Variants in COL9A1 observed in about 807,000 individuals in gnomAD.
COL9A1 encodes the protein collagen alpha-1(IX) chain.
Under a neutral mutation model 142.6 loss-of-function variants are expected in COL9A1, and 104 were observed. The ratio of observed to expected loss-of-function variants is 0.73; its 90% CI spans 0.62 to 0.86. COL9A1 has a LOEUF of 0.86. Ranked by LOEUF, COL9A1 falls within the 40% of genes least tolerant of loss-of-function variation. The pLI is 0.00. For missense variants in COL9A1, 1,210 were observed against 1,176.6 expected, an observed-to-expected ratio of 1.03 and a Z score of -0.42; for synonymous variants, 466 against 396.0, an observed-to-expected ratio of 1.18 and a Z score of -2.10.
chr6:70,248,002 C>T (rs1342973287), intron 28 of COL9A1, among the ~76,000 whole-genome samples: 1 of 152,194 alleles, frequency 6.6e-6, no homozygotes, highest in Non-Finnish European at 1.5e-5. Flanking sequence ...GGCTTCTGTA[C>T]ACAAGGAACG....
At chr6:70,253,297 C>T (rs1385880592) in intron 26 of COL9A1, 88 bp downstream of exon 26, 1 of 923,072 alleles carries the variant, frequency 1.1e-6, no homozygotes, top group Non-Finnish European at 1.7e-6. Context: ...AAATAAAACA[C>T]ATGCTGAAAA....
Position 70,280,846 on chromosome 6 carries a change from C to G in COL9A1, c.941G>C (p.Gly314Ala). The stretch of plus-strand genomic sequence containing the variant: ...AGGTGTGCCAGGCTTGCCTGGAGCT[C>G]CTGGCTTTCCCGGTTCACCTGCAGG... ...PGPAGEPGKPGAPGKPGTPGA... is the reference protein window; with the variant it reads ...PGPAGEPGKPAAPGKPGTPGA... Residue 314 changes from glycine (G) to alanine (A), a missense_variant, in exon 10 of 38, where the codon GGA becomes GCA. Gly to Ala is a moderately conservative substitution (Grantham distance 60). Coordinates refer to ENST00000357250, the MANE Select transcript of COL9A1 (RefSeq NM_001851.6). The G allele has an allele frequency of 1.2e-6, 2 of 1,613,454 alleles. No homozygotes were observed. Among genetic ancestry groups the G allele is most frequent in the South Asian group, 2.2e-5 (2 of 90,974 alleles).
chr6:70,253,264 AT>A, intron 26 of COL9A1, 120 bp downstream of exon 26: 1 of 688,226 alleles, frequency 1.5e-6, no homozygotes, highest in Non-Finnish European at 2.5e-6. Flanking sequence ...TTACCTTTTT[AT>A]TTCTCCCTAG....
intron 19 of COL9A1, 74 bp downstream of exon 19, chr6:70,263,170 A>G: frequency 8.1e-7 from 1 of 1,239,364 alleles, no homozygotes; most frequent in Non-Finnish European, 1.1e-6. Flanking sequence ...TGCTAAATAG[A>G]AAATATTCCA....
At chr6:70,288,850 C>T (rs1449128701) in intron 5 of COL9A1, among the ~76,000 whole-genome samples, 6 of 152,140 alleles carry the variant, frequency 3.9e-5, no homozygotes, top group African/African-American at 1.4e-4. Context: ...ACCTGGCATC[C>T]TCCACATATA....
In COL9A1 at chr6:70,274,772, C is replaced by T. The variant is rs1772644900; in HGVS notation, c.976G>A (p.Gly326Arg). Reference sequence around the variant, plus strand: ...GGGGATCCATCAGGTCCTGTTAATCCCTAATAGAGCAAGACAATGATGTTA... The same window carrying T: ...GGGGATCCATCAGGTCCTGTTAATCTCTAATAGAGCAAGACAATGATGTTA... Reference protein sequence around the residue: ...PGKPGTPGADGLTGPDGSPGS... With the variant: ...PGKPGTPGADRLTGPDGSPGS... The change falls in exon 11 of 38, where the codon GGA becomes AGA. Residue 326 changes from glycine (G) to arginine (R), a missense_variant and splice_region_variant. Gly to Arg is a moderately radical substitution (Grantham distance 125). Coordinates refer to ENST00000357250, the MANE Select transcript of COL9A1 (RefSeq NM_001851.6). 1 of 1,611,424 alleles carries T rather than the reference C, an allele frequency of 6.2e-7. No homozygotes were observed. Among genetic ancestry groups the T allele is most frequent in the African/African-American group, 1.3e-5 (1 of 74,776 alleles).
At chr6:70,277,289 T>A (rs1772831143) in intron 10 of COL9A1, among the ~76,000 whole-genome samples, 1 of 152,078 alleles carries the variant, frequency 6.6e-6, no homozygotes, top group Admixed American at 6.6e-5. Flanking sequence ...ACAGCACAGT[T>A]GTCCTAAGGT....
chr6:70,273,977 A>G (rs745542437), intron 12 of COL9A1, 70 bp downstream of exon 12: 1 of 849,158 alleles, frequency 1.2e-6, no homozygotes, highest in Admixed American at 3.2e-5. Flanking sequence ...ATAAATAAAA[A>G]GATTTCACAA....
intron 36 of COL9A1, among the ~76,000 whole-genome samples, chr6:70,229,212 C>T (rs1769399864): frequency 1.3e-5 from 2 of 152,178 alleles, no homozygotes; most frequent in African/African-American, 2.4e-5. Context: ...TGCTACTCCA[C>T]AGCAAACCAT....
chr6:70,220,818 G>A (rs1013562249), intron 37 of COL9A1, among the ~76,000 whole-genome samples: 5 of 152,138 alleles, frequency 3.3e-5, no homozygotes, highest in Admixed American at 6.5e-5. Context: ...GAGAAAACAT[G>A]CATCTAAAGT....
Position 70,254,883 on chromosome 6 carries a change from T to C in COL9A1, c.1665+80A>G, listed in dbSNP as rs1273920825. 3.1e-6 allele frequency: 4 copies of C among 1,306,368 alleles called. No homozygotes were observed. The East Asian group carries it at 9.3e-5, about 30-fold the overall frequency. The allele number at this position is 1,306,368 out of a possible 1,614,324, so 80.9% of individuals were successfully genotyped here. ...GCTAGCTAAATAAATCTTTTGGTGA[T>C]TTAGTAATGGAAATGCCACACTCAG... On this transcript the variant is annotated intron_variant, in intron 24 of 37. Coordinates refer to ENST00000357250, the MANE Select transcript of COL9A1 (RefSeq NM_001851.6).
intron 5 of COL9A1, among the ~76,000 whole-genome samples, chr6:70,287,783 C>G (rs1387788357): frequency 6.6e-6 from 1 of 152,144 alleles, no homozygotes; most frequent in Non-Finnish European, 1.5e-5. Flanking sequence ...CTTATTCTAT[C>G]CTTTTTGAAA....
intron 36 of COL9A1, among the ~76,000 whole-genome samples, chr6:70,231,937 C>T (rs947849283): frequency 6.6e-6 from 1 of 152,134 alleles, no homozygotes; most frequent in African/African-American, 2.4e-5. Flanking sequence ...TGCTGAGTAC[C>T]TAACACACTC....
intron 5 of COL9A1, among the ~76,000 whole-genome samples, chr6:70,292,478 C>G (rs150218293): frequency 6.6e-6 from 1 of 152,108 alleles, no homozygotes; most frequent in Admixed American, 6.5e-5. Flanking sequence ...TGGTACTAAC[C>G]GGTCTCCACT....
At chr6:70,273,976 A>AAAT in intron 12 of COL9A1, 71 bp downstream of exon 12, 1 of 780,242 alleles carries the variant, frequency 1.3e-6, no homozygotes, top group Non-Finnish European at 1.8e-6. Context: ...AATAAATAAA[A>AAAT]AGATTTCACA....
At chr6:70,232,512 T>C in intron 36 of COL9A1, 71 bp downstream of exon 36, 1 of 1,530,432 alleles carries the variant, frequency 6.5e-7, no homozygotes, top group Non-Finnish European at 9.0e-7. Flanking sequence ...CATAAATTCC[T>C]CGAGCTTGAT....
intron 24 of COL9A1, 191 bp downstream of exon 24, chr6:70,254,772 G>A: frequency 1.4e-6 from 1 of 701,036 alleles, no homozygotes; most frequent in Non-Finnish European, 2.4e-6. Flanking sequence ...CTGAGTTCCT[G>A]AAACCAAGCA....
intron 10 of COL9A1, chr6:70,279,648 C>CAA (rs57993118): frequency 6.2e-3 from 345 of 56,054 alleles, no homozygotes; most frequent in Middle Eastern, 0.027. Context: ...AACTTCGTCT[C>CAA]AAAAAAAAAA....
intron 20 of COL9A1, among the ~76,000 whole-genome samples, chr6:70,258,229 G>A (rs189796692): frequency 5.9e-5 from 9 of 152,194 alleles, no homozygotes; most frequent in Admixed American, 2.6e-4. Flanking sequence ...TCTACTAAGT[G>A]AATAAAAAGG....
Sources: gnomAD v4.1 joint callset for allele counts (sites outside exome capture counted in the v4.1 genomes callset) on GRCh38, gnomAD v4.1.1 for gene constraint, MANE v1.5 for transcripts, NCBI Gene and HGNC (gene_info 2026-07-23, HGNC 2026-07-21) for gene names.